The following NRXN3 variants were observed in gnomAD, a reference collection of about 807,000 sequenced individuals.
NRXN3 encodes the protein neurexin III.
NRXN3 carries 32 observed loss-of-function variants against 137.6 expected under a neutral mutation model. The observed-to-expected ratio is 0.23, with a 90% CI of 0.18 to 0.31. NRXN3 has a LOEUF of 0.31. NRXN3 is among the 10% of genes least tolerant of loss of function. The probability of loss-of-function intolerance (pLI) is 1.00; values close to 1 mark genes in which losing one functional copy is unlikely to be tolerated. For synonymous variants in NRXN3, 798 were observed against 784.5 expected (o/e 1.02, Z -0.29); for missense variants, 1,574 against 2,062.5 (o/e 0.76, Z 4.59).
At chr14:79,146,846 T>C (rs1011450276) in intron 15 of NRXN3, among the ~76,000 whole-genome samples, 9 of 152,166 alleles carry the variant, frequency 5.9e-5, no homozygotes, top group African/African-American at 2.2e-4. Context: ...CCTTATGAAC[T>C]CTGGGGGAGG....
intron 16 of NRXN3, among the ~76,000 whole-genome samples, chr14:79,627,465 A>G (rs2098295145): frequency 6.6e-6 from 1 of 152,256 alleles, no homozygotes; most frequent in South Asian, 2.1e-4. Flanking sequence ...CCAAAAGAAT[A>G]ACAAGAATGA....
chr14:79,110,758 A>AT (rs1350171813), intron 15 of NRXN3, among the ~76,000 whole-genome samples: 5 of 130,420 alleles, frequency 3.8e-5, no homozygotes, highest in South Asian at 2.6e-4. Context: ...ATGAGAAATT[A>AT]TTATTTTATT....
intron 19 of NRXN3, among the ~76,000 whole-genome samples, chr14:79,719,859 G>A (rs2154062180): frequency 6.6e-6 from 1 of 152,180 alleles, no homozygotes; most frequent in Non-Finnish European, 1.5e-5. Flanking sequence ...GATCATTTCT[G>A]TAGGAGTTTT....
intron 15 of NRXN3, among the ~76,000 whole-genome samples, chr14:79,265,047 C>A (rs2078233546): frequency 6.6e-6 from 1 of 151,462 alleles, no homozygotes; most frequent in South Asian, 2.1e-4. Flanking sequence ...ATTAACTGGC[C>A]AAATGTCGTA....
chr14:79,238,393 A>C (rs2073778602), intron 15 of NRXN3, among the ~76,000 whole-genome samples: 1 of 152,070 alleles, frequency 6.6e-6, no homozygotes, highest in Non-Finnish European at 1.5e-5. Flanking sequence ...ATATTCTCCC[A>C]TGTAGGATGT....
At chr14:79,009,133 C>G (rs2099564757) in intron 15 of NRXN3, among the ~76,000 whole-genome samples, 1 of 152,042 alleles carries the variant, frequency 6.6e-6, no homozygotes, top group African/African-American at 2.4e-5. Flanking sequence ...TTTTAAACAC[C>G]TATTGAGTAT....
intron 19 of NRXN3, among the ~76,000 whole-genome samples, chr14:79,759,204 C>CAGAAAAAGCACAATAAAAG (rs2099030081): frequency 6.8e-6 from 1 of 147,944 alleles, no homozygotes; most frequent in African/African-American, 2.7e-5. Context: ...GTCAGAACTT[C>CAGAAAAAGCACAATAAAAG]TTGTTATAAC....
intron 16 of NRXN3, among the ~76,000 whole-genome samples, chr14:79,543,051 A>C (rs1269594848): frequency 6.6e-6 from 1 of 152,162 alleles, no homozygotes; most frequent in African/African-American, 2.4e-5. Context: ...TCTAACTTAT[A>C]ATTAGCCTGC....
chr14:78,517,094 T>A (rs1016543138), intron 4 of NRXN3, among the ~76,000 whole-genome samples: 1 of 152,186 alleles, frequency 6.6e-6, no homozygotes, highest in African/African-American at 2.4e-5. Context: ...CTTACATTTT[T>A]AGGCCATGTC....
intron 15 of NRXN3, among the ~76,000 whole-genome samples, chr14:79,135,793 C>T (rs1253297455): frequency 1.3e-5 from 2 of 152,102 alleles, no homozygotes. Context: ...CTTTTCATTC[C>T]TATGAGATGG....
chr14:78,519,882 A>G (rs1222186237), intron 4 of NRXN3, among the ~76,000 whole-genome samples: 1 of 152,212 alleles, frequency 6.6e-6, no homozygotes, highest in Non-Finnish European at 1.5e-5. Flanking sequence ...AACACAAGAA[A>G]TGCTTTTGGA....
chr14:79,360,085 C>T (rs2153414951), intron 15 of NRXN3, among the ~76,000 whole-genome samples: 1 of 152,302 alleles, frequency 6.6e-6, no homozygotes, highest in African/African-American at 2.4e-5. Flanking sequence ...ATGCTGCAAA[C>T]ATATGTAGTT....
chr14:78,875,709 T>C (rs1385612604), intron 10 of NRXN3, among the ~76,000 whole-genome samples: 3 of 152,236 alleles, frequency 2.0e-5, no homozygotes, highest in Non-Finnish European at 4.4e-5. Flanking sequence ...TTTCTGAAAA[T>C]GCTTTCTCAA....
intron 8 of NRXN3, among the ~76,000 whole-genome samples, chr14:78,753,235 C>T (rs567963620): frequency 6.6e-6 from 1 of 152,252 alleles, no homozygotes; most frequent in Non-Finnish European, 1.5e-5. Context: ...GTCTCAAGCA[C>T]TCTTTTAGTT....
intron 6 of NRXN3, among the ~76,000 whole-genome samples, chr14:78,683,168 A>G (rs2152747843): frequency 6.6e-6 from 1 of 152,296 alleles, no homozygotes; most frequent in South Asian, 2.1e-4. Flanking sequence ...GAAATGATAA[A>G]ATTTTGGATA....
In NRXN3 at chr14:78,646,844, G is replaced by A. The variant is rs1458856842; in HGVS notation, c.1059+1423G>A. Among the ~76,000 whole-genome samples the A allele has an allele frequency of 2.0e-5, 3 of 152,162 alleles. No homozygotes were observed. The East Asian group carries it at 5.8e-4, about 29-fold the overall frequency. ...TCCTCATCCATACTTACCCAGGAGA[G>A]AACGTCTCAACTGTCAAGAGAACCC... On this transcript the variant is annotated intron_variant, in intron 5 of 20. Coordinates refer to ENST00000335750, the MANE Select transcript of NRXN3 (RefSeq NM_001330195.2).
intron 15 of NRXN3, among the ~76,000 whole-genome samples, chr14:79,099,456 A>G (rs1358541557): frequency 6.6e-6 from 1 of 152,158 alleles, no homozygotes; most frequent in East Asian, 1.9e-4. Flanking sequence ...CCAAGTCAAC[A>G]GGTATAAATT....
At chr14:79,538,615 G>A (rs78521074) in intron 16 of NRXN3, among the ~76,000 whole-genome samples, 27 of 152,158 alleles carry the variant, frequency 1.8e-4, no homozygotes, top group African/African-American at 5.5e-4. Context: ...ATTTGTTTAC[G>A]TTCCTTGTAG....
At position 79,861,728 on chromosome 14, in the gene NRXN3, AG is replaced by A; in HGVS notation, c.4481del (p.Ser1494ThrfsTer18). The stretch of plus-strand genomic sequence containing the variant: ...CTCAGAGGTGATCCGGGAGTCGAGC[AG>A]CACAACAGGGATGGTCGTCGGCATT... Reference protein sequence around the residue: ...GASEVIRESSSTTGMVVGIVA... With the variant: ...GASEVIRESSXTTGMVVGIVA... On this transcript the variant is annotated frameshift_variant, in exon 21 of 21. Coordinates refer to ENST00000335750, the MANE Select transcript of NRXN3 (RefSeq NM_001330195.2). LOFTEE classifies it high-confidence loss of function. This position sits in a 1 kb window ranked among gnomAD's most constrained non-coding sequence, Gnocchi z 5.4. 6.2e-7 allele frequency: 1 copy of A among 1,614,156 alleles called. No homozygotes were observed. The highest frequency in any genetic ancestry group is 8.5e-7 in the Non-Finnish European group (1 of 1,180,026).
Sources: gnomAD v4.1 joint callset for allele counts (sites outside exome capture counted in the v4.1 genomes callset) on GRCh38, gnomAD v4.1.1 for gene constraint, Gnocchi (gnomAD v3.1) non-coding constraint, MANE v1.5 for transcripts, NCBI Gene and HGNC (gene_info 2026-07-23, HGNC 2026-07-21) for gene names.